The following WDR72 variants were observed in gnomAD, a reference collection of about 807,000 sequenced individuals.
WDR72 encodes WD repeat-containing protein 72.
In WDR72, 120 loss-of-function variants were observed where a neutral mutation model predicts 124.2. The observed-to-expected ratio is 0.97, with a 90% CI of 0.83 to 1.12. WDR72 has a LOEUF of 1.12. Ranked by LOEUF, WDR72 falls within the 50% of genes most tolerant of loss-of-function variation. The pLI is 0.00. For synonymous variants in WDR72, 452 were observed against 441.7 expected (o/e 1.02, Z -0.29); for missense variants, 1,387 against 1,278.8 (o/e 1.08, Z -1.29).
At position 53,588,455 on chromosome 15, in the gene WDR72, T is replaced by C. The variant is rs146514937; in HGVS notation, c.3148+8624A>G. ...AGCACCTAACATTGAACCTTAGACATAGTAAGTGCTTAATAAGAAATGTTT... is the reference window on the plus strand; with the variant it reads ...AGCACCTAACATTGAACCTTAGACACAGTAAGTGCTTAATAAGAAATGTTT... On this transcript the variant is annotated intron_variant, in intron 18 of 19. Transcript: ENST00000360509. Among the ~76,000 whole-genome samples, 14 of 152,128 alleles carry C rather than the reference T, an allele frequency of 9.2e-5. No individual in the cohort carries two copies. The East Asian group carries it at 2.1e-3, about 23-fold the overall frequency.
chr15:53,706,379 T>TATATATATAC (rs1472560639), intron 9 of WDR72, among the ~76,000 whole-genome samples: 1 of 119,492 alleles, frequency 8.4e-6, no homozygotes, highest in African/African-American at 4.5e-5. Context: ...TATATATATA[T>TATATATATAC]ATATATATAT....
chr15:53,573,712 A>C (rs1289611622), intron 18 of WDR72, among the ~76,000 whole-genome samples: 1 of 151,960 alleles, frequency 6.6e-6, no homozygotes, highest in Non-Finnish European at 1.5e-5. Flanking sequence ...CACCTAGCTA[A>C]TTTTTGTATT....
chr15:53,682,868 T>C (rs1431501037), intron 13 of WDR72, among the ~76,000 whole-genome samples: 1 of 152,180 alleles, frequency 6.6e-6, no homozygotes, highest in Non-Finnish European at 1.5e-5. Context: ...TGTATTAGTC[T>C]GTTTTCACAC....
rs1891533026 is a variant in WDR72, at chr15:53,517,614, C to T, written c.*85G>A. The stretch of plus-strand genomic sequence containing the variant: ...AGCCTAATAACTTGACCAATAACAA[C>T]AATGCTTTTATACAGTAATAAACAA... On this transcript the variant is annotated 3_prime_UTR_variant, in exon 20 of 20. Transcript: ENST00000360509. The T allele has an allele frequency of 1.4e-6, 2 of 1,419,824 alleles. No homozygotes were observed. The highest frequency in any genetic ancestry group is 3.4e-5 in the Admixed American group (2 of 59,474). 88.0% of individuals were successfully genotyped at this position (1,419,824 alleles called of 1,614,324 possible).
chr15:53,519,431 G>T (rs1191880450), intron 19 of WDR72, among the ~76,000 whole-genome samples: 1 of 152,066 alleles, frequency 6.6e-6, no homozygotes, highest in Non-Finnish European at 1.5e-5. Context: ...CTGTCTCAGT[G>T]CTTCTATTAC....
chr15:53,715,821 G>A (rs1034017549), intron 4 of WDR72, among the ~76,000 whole-genome samples: 2 of 152,110 alleles, frequency 1.3e-5, no homozygotes, highest in African/African-American at 4.8e-5. Context: ...GTCTCTTAAA[G>A]AGAAAAAATT....
intron 18 of WDR72, among the ~76,000 whole-genome samples, chr15:53,531,818 G>A (rs1892487228): frequency 6.6e-6 from 1 of 152,008 alleles, no homozygotes; most frequent in Admixed American, 6.6e-5. Context: ...AGATAAGACA[G>A]TTTCCTAGAT....
intron 1 of WDR72, among the ~76,000 whole-genome samples, chr15:53,733,910 C>G (rs2018275866): frequency 6.6e-6 from 1 of 152,042 alleles, no homozygotes; most frequent in South Asian, 2.1e-4. Flanking sequence ...ATTGTCATTC[C>G]TTCCTGAAAC....
chr15:53,756,216 T>C (rs1258982048), intron 1 of WDR72, among the ~76,000 whole-genome samples: 1 of 152,164 alleles, frequency 6.6e-6, no homozygotes, highest in East Asian at 1.9e-4. Context: ...CTCGTGATAG[T>C]AAGGTCTCGC....
chr15:53,561,929 A>C (rs1426773966), intron 18 of WDR72, among the ~76,000 whole-genome samples: 1 of 151,802 alleles, frequency 6.6e-6, no homozygotes, highest in Non-Finnish European at 1.5e-5. Context: ...TTATCTTTTT[A>C]TGGTAGCCAC....
At chr15:53,585,637 G>T (rs2012165309) in intron 18 of WDR72, among the ~76,000 whole-genome samples, 1 of 152,008 alleles carries the variant, frequency 6.6e-6, no homozygotes, top group African/African-American at 2.4e-5. Context: ...AAAGGGTACA[G>T]AGAAGTTTCT....
chr15:53,607,071 T>C (rs564877632), intron 17 of WDR72, among the ~76,000 whole-genome samples: 88 of 152,210 alleles, frequency 5.8e-4, no homozygotes, highest in African/African-American at 2.1e-3. Context: ...ATCAAGTTCA[T>C]AAAAAAGAAT....
chr15:53,518,535 A>AT (rs1891592527), intron 19 of WDR72, among the ~76,000 whole-genome samples: 1 of 152,002 alleles, frequency 6.6e-6, no homozygotes, highest in East Asian at 1.9e-4. Context: ...CAACTCGAAG[A>AT]AAGTGCTTAT....
Position 53,517,598 on chromosome 15 carries a change from AC to A in WDR72, c.*100del. On this transcript the variant is annotated 3_prime_UTR_variant, in exon 20 of 20. Transcript: ENST00000360509. ...TTAGCAAATCCACTACAGCCTAATAACTTGACCAATAACAACAATGCTTTTA... is the reference window on the plus strand; with the variant it reads ...TTAGCAAATCCACTACAGCCTAATAATTGACCAATAACAACAATGCTTTTA... 7.9e-7 allele frequency: 1 copy of A among 1,267,932 alleles called. No homozygotes were observed. Among genetic ancestry groups the A allele is most frequent in the South Asian group, 1.2e-5 (1 of 83,462 alleles). The allele number at this position is 1,267,932 out of a possible 1,614,324, so 78.5% of individuals were successfully genotyped here. A position where few individuals can be genotyped will look rare whatever the true frequency, so the allele number is the denominator to read the frequency against.
chr15:53,548,307 AT>A (rs1184714751), intron 18 of WDR72, among the ~76,000 whole-genome samples: 5 of 152,214 alleles, frequency 3.3e-5, no homozygotes, highest in African/African-American at 1.2e-4. Flanking sequence ...TAGAAGAGAA[AT>A]AGCCAGTGCC....
chr15:53,540,571 G>GAAAAAAAAAA (rs5812690), intron 18 of WDR72, among the ~76,000 whole-genome samples: 1 of 135,100 alleles, frequency 7.4e-6, no homozygotes, highest in Admixed American at 7.2e-5. Flanking sequence ...AAGGAAGAAA[G>GAAAAAAAAAA]AAAAAAAAAA....
At chr15:53,654,301 C>T (rs2015340773) in intron 14 of WDR72, among the ~76,000 whole-genome samples, 1 of 152,136 alleles carries the variant, frequency 6.6e-6, no homozygotes, top group South Asian at 2.1e-4. Flanking sequence ...TACTTAGTCC[C>T]ATTATACTTC....
At chr15:53,728,160 C>A (rs368964104) in intron 2 of WDR72, among the ~76,000 whole-genome samples, 2 of 152,188 alleles carry the variant, frequency 1.3e-5, no homozygotes, top group East Asian at 1.9e-4. Context: ...GCCTCCCAAT[C>A]ATGGTGGAAG....
chr15:53,715,151 T>C (rs1238258428), intron 5 of WDR72, 42 bp downstream of exon 5: 1 of 1,594,918 alleles, frequency 6.3e-7, no homozygotes, highest in Non-Finnish European at 8.6e-7. Flanking sequence ...TAGATATTTT[T>C]ATATGCAATC....
Sources: allele counts gnomAD v4.1 joint callset (sites outside exome capture counted in the v4.1 genomes callset), GRCh38; gene constraint gnomAD v4.1.1; transcripts MANE v1.5; gene names NCBI Gene and HGNC (gene_info 2026-07-23, HGNC 2026-07-21).